The following COL28A1 variants were observed in gnomAD, a reference collection of about 807,000 sequenced individuals.
COL28A1 encodes the protein collagen type XXVIII alpha 1 chain.
Under a neutral mutation model 150.2 loss-of-function variants are expected in COL28A1, and 161 were observed. The observed-to-expected ratio is 1.07, with a 90% CI of 0.94 to 1.22. The LOEUF is 1.22. Among genes scored for constraint, COL28A1 ranks in the 50% most tolerant of loss-of-function variants. COL28A1 has a pLI of 0.00. For missense variants in COL28A1, 1,617 were observed against 1,388.3 expected (o/e 1.16, Z -2.62); for synonymous variants, 552 against 469.7 (o/e 1.18, Z -2.26).
At chr7:7,474,845 A>G (rs1032093038) in intron 14 of COL28A1, among the ~76,000 whole-genome samples, 176 bp from the exon 15 acceptor site, 1 of 152,214 alleles carries the variant, frequency 6.6e-6, no homozygotes, top group African/African-American at 2.4e-5. Flanking sequence ...AACTTGCAAA[A>G]AATACATTAG....
chr7:7,516,842 C>T (rs578080601), intron 7 of COL28A1, among the ~76,000 whole-genome samples: 13 of 152,154 alleles, frequency 8.5e-5, no homozygotes, highest in African/African-American at 2.9e-4. Context: ...GATCTTTGCA[C>T]CTAGGCCTCC....
chr7:7,405,687 C>T (rs1783453576), intron 27 of COL28A1, among the ~76,000 whole-genome samples: 1 of 152,112 alleles, frequency 6.6e-6, no homozygotes, highest in Admixed American at 6.6e-5. Context: ...CTGTCCATTT[C>T]CAAGACAAGC....
rs35098688 is a variant in COL28A1, at chr7:7,472,317, CAAA to C, written c.1302+2281_1302+2283del. ...TCCTAGAATTGATAAAAGAATTCAACAAAGTTTCCAGATACAAAATTAATATAC... is the reference window on the plus strand; with the variant it reads ...TCCTAGAATTGATAAAAGAATTCAACGTTTCCAGATACAAAATTAATATAC... On this transcript the variant is annotated intron_variant, in intron 15 of 34. Transcript: ENST00000399429. Among the ~76,000 whole-genome samples the C allele has an allele frequency of 4.7e-3, 709 of 152,126 alleles. 5 individuals are homozygous for C. The highest frequency in any genetic ancestry group is 0.022 in the East Asian group (115 of 5,172).
intron 10 of COL28A1, 33 bp downstream of exon 10, chr7:7,507,084 A>G: frequency 2.1e-6 from 2 of 973,066 alleles, no homozygotes; most frequent in Non-Finnish European, 3.3e-6. Context: ...GGTGATTCTA[A>G]TTCAAACTTA....
At chr7:7,367,101 C>A (rs2128281219) in intron 33 of COL28A1, among the ~76,000 whole-genome samples, 1 of 152,250 alleles carries the variant, frequency 6.6e-6, no homozygotes, top group East Asian at 1.9e-4. Flanking sequence ...GTTAGATATG[C>A]TTATATATAT....
In COL28A1 at chr7:7,454,230, G is replaced by T. The variant is rs17519339; in HGVS notation, c.1372-722C>A. On this transcript the variant is annotated intron_variant, in intron 16 of 34. Transcript: ENST00000399429. ...GATTGTAAACATGTTGCTGGAAACA[G>T]AAGTTCCCTCATAAACACATGAGGG... 4.6e-3 allele frequency among the ~76,000 whole-genome samples: 706 copies of T among 152,248 alleles called. 5 individuals are homozygous for T. The highest frequency in any genetic ancestry group is 0.022 in the East Asian group (114 of 5,182).
At chr7:7,383,682 G>GTGTGTGTATATATATATA (rs1554262302) in intron 27 of COL28A1, among the ~76,000 whole-genome samples, 1 of 124,096 alleles carries the variant, frequency 8.1e-6, no homozygotes, top group African/African-American at 3.0e-5. Context: ...GTGTGTGTGT[G>GTGTGTGTATATATATATA]TATATATATA....
chr7:7,409,809 G>T (rs1232355266), intron 27 of COL28A1, among the ~76,000 whole-genome samples: 1 of 151,898 alleles, frequency 6.6e-6, no homozygotes, highest in East Asian at 1.9e-4. Flanking sequence ...TGGTATTTCA[G>T]CAAATCTGTG....
At position 7,474,627 on chromosome 7, in the gene COL28A1, G is replaced by T; in HGVS notation, c.1276C>A (p.Gln426Lys). Residue 426 changes from glutamine to lysine, a missense_variant, in exon 15 of 35, where the codon CAA (glutamine) becomes AAA (lysine). Physicochemically the swap from Gln to Lys is moderately conservative, Grantham distance 53. Coordinates refer to ENST00000399429, the MANE Select transcript of COL28A1 (RefSeq NM_001037763.3). Reference protein sequence around the residue: ...SEGPTGPQGLQGLSIKGEKGD... With the variant: ...SEGPTGPQGLKGLSIKGEKGD... ...TTCTCCCCTTTGATTGACAGGCCTT[G>T]TAATCCCTGTGGGCCAGTTGGTCCT... is the stretch of plus-strand genomic sequence containing the variant. 1.4e-6 allele frequency: 2 copies of T among 1,408,590 alleles called. No homozygotes were observed. Among genetic ancestry groups the T allele is most frequent in the Non-Finnish European group, 2.0e-6 (2 of 993,076 alleles). The allele number at this position is 1,408,590 out of a possible 1,614,324, so 87.3% of individuals were successfully genotyped here. A position where few individuals can be genotyped will look rare whatever the true frequency, so the allele number is the denominator to read the frequency against.
chr7:7,367,992 A>C (rs777894963), intron 33 of COL28A1, among the ~76,000 whole-genome samples: 1 of 151,900 alleles, frequency 6.6e-6, no homozygotes, highest in African/African-American at 2.4e-5. Context: ...TGGCTTTTCA[A>C]TCTGTGCCTC....
At chr7:7,438,980 C>T (rs892462377) in intron 21 of COL28A1, among the ~76,000 whole-genome samples, 1 of 152,164 alleles carries the variant, frequency 6.6e-6, no homozygotes, top group East Asian at 1.9e-4. Flanking sequence ...AAACAAAAAA[C>T]ACTGTGGAGA....
chr7:7,436,740 C>T (rs1313389025), intron 22 of COL28A1, among the ~76,000 whole-genome samples: 5 of 152,136 alleles, frequency 3.3e-5, no homozygotes, highest in Non-Finnish European at 7.3e-5. Context: ...GCTGAGAATG[C>T]TCTTAAAATT....
chr7:7,370,943 AT>A, intron 32 of COL28A1, 61 bp from the exon 33 acceptor site: 1 of 1,160,604 alleles, frequency 8.6e-7, no homozygotes, highest in Non-Finnish European at 1.2e-6. Flanking sequence ...CTTAAAACTC[AT>A]TTAAAAAGAT....
chr7:7,364,839 T>A (rs1347257480), intron 33 of COL28A1, among the ~76,000 whole-genome samples: 1 of 152,200 alleles, frequency 6.6e-6, no homozygotes, highest in African/African-American at 2.4e-5. Flanking sequence ...TCTACCTCTT[T>A]TTTTCCATAG....
rs753221600 is a variant in COL28A1, at chr7:7,521,945, C to T, written c.719G>A (p.Cys240Tyr). The T allele has an allele frequency of 8.8e-7, 1 of 1,136,820 alleles. No individual in the cohort carries two copies. The highest frequency in any genetic ancestry group is 1.3e-6 in the Non-Finnish European group (1 of 743,576). 70.4% of individuals were successfully genotyped at this position (1,136,820 alleles called of 1,614,324 possible). A position where few individuals can be genotyped will look rare whatever the true frequency, so the allele number is the denominator to read the frequency against. ...LFEKKCERKI[C>Y]ECEKGDPGDP... ...ACCTGGATCTCCCTTCTCACATTCA[C>T]AAATCTTGCGTTCACACTGAATCAA... The change falls in exon 5 of 35, where the codon TGT becomes TAT. Residue 240 changes from cysteine (C) to tyrosine (Y), a missense_variant. Transcript: ENST00000399429.
chr7:7,461,891 T>C (rs1442779850), intron 15 of COL28A1, among the ~76,000 whole-genome samples: 4 of 152,108 alleles, frequency 2.6e-5, no homozygotes. Context: ...CTACCACAAC[T>C]GATGCTCTCT....
intron 33 of COL28A1, among the ~76,000 whole-genome samples, chr7:7,363,204 T>C (rs571657637): frequency 4.6e-5 from 7 of 152,322 alleles, no homozygotes; most frequent in South Asian, 2.1e-4. Context: ...GACTGTTCCA[T>C]TGAAGAGGCG....
In COL28A1 at chr7:7,404,711, T is replaced by C. The variant is rs918201237; in HGVS notation, c.2136+13148A>G. Among the ~76,000 whole-genome samples, 3 of 152,110 alleles carry C rather than the reference T, an allele frequency of 2.0e-5. No individual in the cohort carries two copies. The East Asian group carries it at 5.8e-4, about 29-fold the overall frequency. On this transcript the variant is annotated intron_variant, in intron 27 of 34. Coordinates refer to ENST00000399429, the MANE Select transcript of COL28A1 (RefSeq NM_001037763.3). ...CTACCGTGCTCTCCTTGATTTGCCA[T>C]AGCAGTTTTCACCTTCTAACATACT...
At chr7:7,362,511 G>A (rs1303371430) in intron 33 of COL28A1, among the ~76,000 whole-genome samples, 1 of 152,038 alleles carries the variant, frequency 6.6e-6, no homozygotes, top group Non-Finnish European at 1.5e-5. Flanking sequence ...GTGTGTGCAT[G>A]CATACATACA....
Sources: gnomAD v4.1 joint callset for allele counts (sites outside exome capture counted in the v4.1 genomes callset) on GRCh38, gnomAD v4.1.1 for gene constraint, MANE v1.5 for transcripts, NCBI Gene and HGNC (gene_info 2026-07-23, HGNC 2026-07-21) for gene names.